The following NTMT1 variants were observed in gnomAD, a reference collection of about 807,000 sequenced individuals.
NTMT1 encodes the protein N-terminal Xaa-Pro-Lys N-methyltransferase 1, also known as N-terminal RCC1 methyltransferase.
NTMT1 carries 8 observed loss-of-function variants against 17.5 expected under a neutral mutation model. The observed-to-expected ratio is 0.46, with a 90% CI of 0.27 to 0.82. The LOEUF (loss-of-function observed/expected upper bound fraction) is 0.82. NTMT1 is among the 40% of genes least tolerant of loss of function. The pLI is 0.15. For synonymous variants in NTMT1, 128 were observed against 126.8 expected, an observed-to-expected ratio of 1.01 and a Z score of -0.06; for missense variants, 221 against 303.5, an observed-to-expected ratio of 0.73 and a Z score of 2.02.
upstream of NTMT1, among the ~76,000 whole-genome samples, chr9:129,624,917 C>T (rs1405441998): frequency 1.3e-5 from 2 of 152,178 alleles, no homozygotes; most frequent in African/African-American, 2.4e-5. Context: ...CGTGCACCAC[C>T]GTGCCCTGCC....
chr9:129,619,489 C>A, intron 1 of NTMT1: 5 of 1,510,512 alleles, frequency 3.3e-6, no homozygotes, highest in Non-Finnish European at 3.6e-6. Context: ...CTTTCCTCCA[C>A]TACCCTACCC....
intron 1 of NTMT1, among the ~76,000 whole-genome samples, chr9:129,616,566 C>A (rs1830400248): frequency 6.6e-6 from 1 of 152,150 alleles, no homozygotes; most frequent in African/African-American, 2.4e-5. Context: ...TGCCCCATCC[C>A]AGCCACGTGG....
At chr9:129,630,365 C>G (rs1485184426) in intron 1 of NTMT1, among the ~76,000 whole-genome samples, 2 of 152,082 alleles carry the variant, frequency 1.3e-5, no homozygotes, top group Non-Finnish European at 1.5e-5. Context: ...CCCAGCTACC[C>G]TGGAGGCTGA....
Position 129,620,331 on chromosome 9 carries a change from C to CG in NTMT1, c.-55+11156dup, listed in dbSNP as rs1830625627. 4.1e-6 allele frequency: 5 copies of CG among 1,231,886 alleles called. No individual in the cohort carries two copies. The highest frequency in any genetic ancestry group is 3.9e-5 in the South Asian group (1 of 25,690). The allele number at this position is 1,231,886 out of a possible 1,614,324, so 76.3% of individuals were successfully genotyped here. A position where few individuals can be genotyped will look rare whatever the true frequency, so the allele number is the denominator to read the frequency against. ...GCCCGCCGGGTCGCGGTGAGCAAGG[C>CG]GGGCAGGCGCGGCGGGAGGCGTCCG... On this transcript the variant is annotated intron_variant, in intron 1 of 3. Transcript: ENST00000372486. The surrounding 1 kb of genome is among the most constrained non-coding windows in gnomAD (Gnocchi z 5.8).
chr9:129,625,854 A>T (rs1263844491), upstream of NTMT1, among the ~76,000 whole-genome samples: 7 of 152,114 alleles, frequency 4.6e-5, no homozygotes, highest in East Asian at 1.4e-3. Context: ...TCTACTAAAA[A>T]TACAAAAATT....
At chr9:129,633,933 G>A in intron 2 of NTMT1, 121 bp from the exon 3 acceptor site, 1 of 1,185,690 alleles carries the variant, frequency 8.4e-7, no homozygotes, top group Non-Finnish European at 1.2e-6. Context: ...CTCCCCACCA[G>A]TGCTCAGCTT....
At chr9:129,632,585 C>T in intron 1 of NTMT1, 65 bp from the exon 2 acceptor site, 1 of 1,216,592 alleles carries the variant, frequency 8.2e-7, no homozygotes, top group Non-Finnish European at 1.2e-6. Flanking sequence ...GAGACTGGCC[C>T]TCTGCCCTGG....
In NTMT1 at chr9:129,628,240, T is replaced by G. The variant is rs370404154; in HGVS notation, c.-55+1945T>G. Among the ~76,000 whole-genome samples the G allele has an allele frequency of 6.6e-5, 10 of 152,256 alleles. No homozygotes were observed. In the East Asian group the frequency reaches 1.9e-3, roughly 29 times the overall value. On this transcript the variant is annotated intron_variant, in intron 1 of 3. Coordinates refer to ENST00000372483, the MANE Select transcript of NTMT1 (RefSeq NM_014064.4). ...GGGACCTCCTCCTGCCCCACTCCAATCTGGACACCACGAGGCAAAATGTAG... is the reference window on the plus strand; with the variant it reads ...GGGACCTCCTCCTGCCCCACTCCAAGCTGGACACCACGAGGCAAAATGTAG...
At chr9:129,632,970 G>T in intron 2 of NTMT1, 105 bp downstream of exon 2, 3 of 1,295,516 alleles carry the variant, frequency 2.3e-6, no homozygotes, top group Non-Finnish European at 3.2e-6. Flanking sequence ...CAGGATTGTT[G>T]GCTATCTCTT....
At chr9:129,622,194 T>TA (rs566645064), upstream of NTMT1, among the ~76,000 whole-genome samples, 457 of 152,276 alleles carry the variant, frequency 3.0e-3, 2 homozygotes, top group Middle Eastern at 6.8e-3. Context: ...ACAATGGACC[T>TA]AGAAATGAAC....
chr9:129,625,397 C>CT (rs1554775470), upstream of NTMT1, among the ~76,000 whole-genome samples: 10 of 151,884 alleles, frequency 6.6e-5, no homozygotes, highest in South Asian at 8.3e-4. Context: ...GGACCAATGG[C>CT]TTTTTTTTCC....
intron 3 of NTMT1, 157 bp from the exon 4 acceptor site, chr9:129,635,051 T>G: frequency 1.2e-6 from 1 of 813,060 alleles, no homozygotes; most frequent in African/African-American, 1.7e-5. Flanking sequence ...GAATTGGGGT[T>G]TAGTAAATCT....
At chr9:129,617,205 G>A (rs898567309) in intron 1 of NTMT1, among the ~76,000 whole-genome samples, 1 of 152,222 alleles carries the variant, frequency 6.6e-6, no homozygotes, top group African/African-American at 2.4e-5. Context: ...CCATTCATCT[G>A]ACCACATCTG....
At chr9:129,629,174 T>C (rs1226273667) in intron 1 of NTMT1, among the ~76,000 whole-genome samples, 1 of 152,064 alleles carries the variant, frequency 6.6e-6, no homozygotes, top group Non-Finnish European at 1.5e-5. Context: ...CGTCCTCTCT[T>C]GAGTGACTGA....
At chr9:129,619,726 G>T (rs376839853) in intron 1 of NTMT1, 1 of 1,613,794 alleles carries the variant, frequency 6.2e-7, no homozygotes. Flanking sequence ...ACCAAGAAGC[G>T]GACTGACGCT....
At chr9:129,631,701 C>T (rs995699424) in intron 1 of NTMT1, among the ~76,000 whole-genome samples, 2 of 152,174 alleles carry the variant, frequency 1.3e-5, no homozygotes, top group Non-Finnish European at 2.9e-5. Context: ...GGCTGTCTGT[C>T]CTTCCCTCCA....
chr9:129,620,386 C>A lies in NTMT1; in HGVS notation c.-55+11208C>A. ...CCACCCCGGGCTTGGCGTCCCCTTC[C>A]GGCCACCACGCGGCGCCGCCCCCCG... On this transcript the variant is annotated intron_variant, in intron 1 of 3. Transcript: ENST00000372486. The surrounding 1 kb of genome is among the most constrained non-coding windows in gnomAD (Gnocchi z 5.8). 8.1e-7 allele frequency: 1 copy of A among 1,231,816 alleles called. No homozygotes were observed. The highest frequency in any genetic ancestry group is 1.0e-6 in the Non-Finnish European group (1 of 987,960). The allele number at this position is 1,231,816 out of a possible 1,614,324, so 76.3% of individuals were successfully genotyped here.
In NTMT1 at chr9:129,613,394, G is replaced by A. The variant is rs773104164; in HGVS notation, c.-55+4216G>A. ...GTAGGCAAGGGGGGTGGAGGGCCCT[G>A]GCAATGTCCACGAGTCCCATCCGCT... On this transcript the variant is annotated intron_variant, in intron 1 of 3. Coordinates refer to the NTMT1 transcript ENST00000372486. The surrounding 1 kb of genome is among the most constrained non-coding windows in gnomAD (Gnocchi z 6.2). 1.2e-6 allele frequency: 2 copies of A among 1,604,384 alleles called. No individual in the cohort carries two copies. Among genetic ancestry groups the A allele is most frequent in the Middle Eastern group, 1.7e-4 (1 of 6,008 alleles).
At position 129,634,070 on chromosome 9, in the gene NTMT1, C is replaced by T; in HGVS notation, c.179C>T (p.Thr60Ile). The T allele has an allele frequency of 6.2e-7, 1 of 1,614,016 alleles. No homozygotes were observed. The highest frequency in any genetic ancestry group is 2.2e-5 in the East Asian group (1 of 44,882). The change falls in exon 3 of 4, where the codon ACA becomes ATA. Residue 60 changes from threonine to isoleucine, a missense_variant. Coordinates refer to ENST00000372483, the MANE Select transcript of NTMT1 (RefSeq NM_014064.4). Reference protein sequence around the residue: ...QRFLREGPNKTGTSCALDCGA... With the variant: ...QRFLREGPNKIGTSCALDCGA... ...GCTTTTCAGGAAGGCCCGAACAAGA[C>T]AGGAACGTCCTGTGCCCTGGACTGT...
Sources: gnomAD v4.1 joint callset for allele counts (sites outside exome capture counted in the v4.1 genomes callset) on GRCh38, gnomAD v4.1.1 for gene constraint, Gnocchi (gnomAD v3.1) non-coding constraint, MANE v1.5 for transcripts, NCBI Gene and HGNC (gene_info 2026-07-23, HGNC 2026-07-21) for gene names.